GRID2: variants seen among roughly 807,000 people sequenced by gnomAD.
GRID2 encodes glutamate ionotropic receptor delta type subunit 2, also known as glutamate receptor ionotropic, delta-2.
In GRID2, 33 loss-of-function variants were observed where a neutral mutation model predicts 114.8. The observed-to-expected ratio is 0.29, with a 90% CI of 0.22 to 0.38. The LOEUF is 0.38. GRID2 is among the 10% of genes least tolerant of loss of function. The pLI, the probability that GRID2 is intolerant of heterozygous loss-of-function variation, is 1.00. For missense variants in GRID2, 1,184 were observed against 1,257.7 expected, an observed-to-expected ratio of 0.94 and a Z score of 0.89; for synonymous variants, 505 against 449.9, an observed-to-expected ratio of 1.12 and a Z score of -1.55.
chr4:92,391,249 G>T (rs1310008962), intron 1 of GRID2, among the ~76,000 whole-genome samples: 1 of 152,182 alleles, frequency 6.6e-6, no homozygotes, highest in South Asian at 2.1e-4. Flanking sequence ...TTTCAAGGAG[G>T]TATGAGCTCT....
At chr4:92,774,181 A>G (rs1316257294) in intron 2 of GRID2, among the ~76,000 whole-genome samples, 2 of 152,160 alleles carry the variant, frequency 1.3e-5, no homozygotes, top group South Asian at 2.1e-4. Flanking sequence ...TTAAGCTCAG[A>G]GTGAAGGATA....
intron 4 of GRID2, among the ~76,000 whole-genome samples, chr4:93,115,100 G>A (rs527753194): frequency 1.7e-4 from 26 of 151,580 alleles, no homozygotes; most frequent in African/African-American, 6.0e-4. Context: ...GCTTGTGTGT[G>A]TGTGTGTGTG....
rs536179536 is a variant in GRID2, at chr4:92,548,425, A to T, written c.89-41706A>T. The stretch of plus-strand genomic sequence containing the variant: ...AATTTTTTTTTTTTTTTTTTGAGAC[A>T]GAGTCTTGTTCTGTCACCCAGACTG... On this transcript the variant is annotated intron_variant, in intron 1 of 15. Transcript: ENST00000282020. Among the ~76,000 whole-genome samples the T allele has an allele frequency of 1.5e-3, 5 of 3,274 alleles. No individual in the cohort carries two copies. The East Asian group carries it at 0.048, about 31-fold the overall frequency. 2.1% of individuals were successfully genotyped at this position (3,274 alleles called of 152,430 possible).
At chr4:92,450,249 A>G (rs1720831001) in intron 1 of GRID2, among the ~76,000 whole-genome samples, 1 of 152,050 alleles carries the variant, frequency 6.6e-6, no homozygotes, top group Admixed American at 6.6e-5. Flanking sequence ...ATAGGTGCAG[A>G]ATTTATAATA....
intron 2 of GRID2, among the ~76,000 whole-genome samples, chr4:92,785,976 A>G (rs1450198183): frequency 2.6e-5 from 4 of 151,902 alleles, no homozygotes; most frequent in Non-Finnish European, 5.9e-5. Context: ...CTAGCAATGC[A>G]TTAACACAAT....
intron 2 of GRID2, among the ~76,000 whole-genome samples, chr4:92,806,080 T>C (rs972918505): frequency 5.3e-5 from 8 of 151,812 alleles, no homozygotes; most frequent in Admixed American, 4.6e-4. Context: ...TCATTTATTC[T>C]TGGCCCTTTT....
At chr4:93,593,788 G>A (rs901913274) in intron 13 of GRID2, among the ~76,000 whole-genome samples, 16 of 151,812 alleles carry the variant, frequency 1.1e-4, no homozygotes, top group African/African-American at 2.4e-4. Context: ...TTTCCTTCTC[G>A]CTTCATTTCA....
chr4:93,029,766 A>G (rs191759990), intron 2 of GRID2, among the ~76,000 whole-genome samples: 149 of 152,290 alleles, frequency 9.8e-4, no homozygotes, highest in Non-Finnish European at 2.0e-3. Context: ...TTAATTCACA[A>G]AAAGCGAATT....
chr4:93,429,808 A>G (rs144433653), intron 10 of GRID2, among the ~76,000 whole-genome samples: 2 of 152,244 alleles, frequency 1.3e-5, no homozygotes, highest in African/African-American at 4.8e-5. Context: ...TGAGAGTCCT[A>G]TCTCTCAATT....
intron 14 of GRID2, among the ~76,000 whole-genome samples, chr4:93,634,176 A>C (rs1721202531): frequency 6.6e-6 from 1 of 152,190 alleles, no homozygotes; most frequent in Non-Finnish European, 1.5e-5. Flanking sequence ...TGCAGGAAAA[A>C]TTTTAAGGAA....
At chr4:92,901,442 CTATT>C (rs1747577486) in intron 2 of GRID2, among the ~76,000 whole-genome samples, 1 of 152,040 alleles carries the variant, frequency 6.6e-6, no homozygotes. Context: ...TGTAGGTTGT[CTATT>C]TACTCTATGA....
intron 4 of GRID2, among the ~76,000 whole-genome samples, chr4:93,146,258 G>T (rs1172031456): frequency 2.0e-5 from 3 of 152,082 alleles, no homozygotes; most frequent in Non-Finnish European, 4.4e-5. Context: ...AACTAATAGT[G>T]ACATCGAGAG....
intron 14 of GRID2, among the ~76,000 whole-genome samples, chr4:93,764,564 G>A (rs1025214072): frequency 2.0e-5 from 3 of 152,232 alleles, no homozygotes; most frequent in African/African-American, 7.2e-5. Flanking sequence ...AGATCGTCAC[G>A]TGTGGTCTTA....
chr4:92,829,630 C>T (rs368485140), intron 2 of GRID2, among the ~76,000 whole-genome samples: 1 of 152,082 alleles, frequency 6.6e-6, no homozygotes, highest in East Asian at 1.9e-4. Context: ...GACATATGCA[C>T]ACATATGTTT....
intron 2 of GRID2, among the ~76,000 whole-genome samples, chr4:92,957,966 A>G (rs1296055534): frequency 6.6e-6 from 1 of 152,044 alleles, no homozygotes; most frequent in East Asian, 1.9e-4. Flanking sequence ...TTCATGGCAT[A>G]TAGGAAAGTG....
intron 13 of GRID2, among the ~76,000 whole-genome samples, chr4:93,537,608 G>T (rs2149522794): frequency 6.6e-6 from 1 of 151,848 alleles, no homozygotes; most frequent in Admixed American, 6.6e-5. Context: ...AAATTGGCTA[G>T]AAGGCAAATG....
At chr4:92,738,435 C>T (rs1736708399) in intron 2 of GRID2, among the ~76,000 whole-genome samples, 1 of 151,980 alleles carries the variant, frequency 6.6e-6, no homozygotes, top group Non-Finnish European at 1.5e-5. Flanking sequence ...TGCAGTCCTT[C>T]CATTTGTTTT....
intron 2 of GRID2, among the ~76,000 whole-genome samples, chr4:92,963,654 A>T (rs1752959353): frequency 6.6e-6 from 1 of 151,998 alleles, no homozygotes; most frequent in Non-Finnish European, 1.5e-5. Flanking sequence ...GAAAGTTGGC[A>T]TTAAATTCTT....
chr4:92,626,640 A>G (rs1189011889), intron 2 of GRID2, among the ~76,000 whole-genome samples: 1 of 152,068 alleles, frequency 6.6e-6, no homozygotes. Flanking sequence ...GATTAAGTTT[A>G]AAATGGACTC....
Sources: gnomAD v4.1 joint callset for allele counts (sites outside exome capture counted in the v4.1 genomes callset) on GRCh38, gnomAD v4.1.1 for gene constraint, MANE v1.5 for transcripts, NCBI Gene and HGNC (gene_info 2026-07-23, HGNC 2026-07-21) for gene names.